The following CSMD3 variants were observed in gnomAD, a reference collection of about 807,000 sequenced individuals.
CSMD3 encodes CUB and Sushi multiple domains 3.
A neutral mutation model predicts 435.2 loss-of-function variants in CSMD3; 177 were observed. The observed-to-expected ratio is 0.41, with a 90% CI of 0.36 to 0.46. CSMD3 has a LOEUF of 0.46. Ranked by LOEUF, CSMD3 falls within the 20% of genes least tolerant of loss-of-function variation. The pLI, the probability that CSMD3 is intolerant of heterozygous loss-of-function variation, is 0.34. For missense variants in CSMD3, 4,265 were observed against 4,504.6 expected, an observed-to-expected ratio of 0.95 and a Z score of 1.52; for synonymous variants, 1,656 against 1,520.5, an observed-to-expected ratio of 1.09 and a Z score of -2.07.
chr8:113,270,497 G>A (rs1251146157), intron 3 of CSMD3, among the ~76,000 whole-genome samples: 1 of 152,096 alleles, frequency 6.6e-6, no homozygotes, highest in African/African-American at 2.4e-5. Context: ...AGGATTGTAA[G>A]TCATGCCGCT....
At chr8:112,642,674 AATATGAT>A (rs2074865439) in intron 20 of CSMD3, among the ~76,000 whole-genome samples, 1 of 152,190 alleles carries the variant, frequency 6.6e-6, no homozygotes, top group Admixed American at 6.5e-5. Context: ...AATCAAAATC[AATATGAT>A]AAAGCATAAC....
At chr8:112,270,385 T>TTAGGG (rs1817408857) in intron 59 of CSMD3, among the ~76,000 whole-genome samples, 1 of 125,520 alleles carries the variant, frequency 8.0e-6, no homozygotes, top group African/African-American at 3.2e-5. Context: ...TGTGTGTGTG[T>TTAGGG]GTGTGTGTGT....
intron 4 of CSMD3, among the ~76,000 whole-genome samples, chr8:113,127,594 A>G (rs565536530): frequency 2.6e-5 from 4 of 152,160 alleles, no homozygotes; most frequent in Middle Eastern, 3.4e-3. Context: ...ACTTCTCCAC[A>G]TCACCAGGTT....
chr8:113,388,419 A>T (rs1239332428), intron 1 of CSMD3, among the ~76,000 whole-genome samples: 1 of 151,622 alleles, frequency 6.6e-6, no homozygotes, highest in African/African-American at 2.4e-5. Flanking sequence ...TTAAAACAGA[A>T]GATAATTAAT....
chr8:112,250,027 A>C (rs1815127561), intron 63 of CSMD3, among the ~76,000 whole-genome samples: 1 of 152,100 alleles, frequency 6.6e-6, no homozygotes, highest in African/African-American at 2.4e-5. Flanking sequence ...TTGATTACTT[A>C]ACTTTAGAAT....
chr8:112,610,175 G>GCA (rs149704778), intron 22 of CSMD3, among the ~76,000 whole-genome samples: 10 of 151,892 alleles, frequency 6.6e-5, no homozygotes, highest in African/African-American at 1.7e-4. Context: ...TTCTCATCAT[G>GCA]CACACACACA....
chr8:112,573,350 T>C, intron 24 of CSMD3, 151 bp downstream of exon 24: 1 of 731,010 alleles, frequency 1.4e-6, no homozygotes, highest in Admixed American at 2.2e-5. Flanking sequence ...CTTACCGGGC[T>C]GTTGTTAGGG....
intron 1 of CSMD3, among the ~76,000 whole-genome samples, chr8:113,373,584 T>C (rs1017908582): frequency 2.0e-5 from 3 of 152,064 alleles, no homozygotes. Context: ...GAAATAAAGA[T>C]GTTTATTAAT....
At chr8:112,259,203 A>G (rs559151801) in intron 61 of CSMD3, among the ~76,000 whole-genome samples, 216 of 151,600 alleles carry the variant, frequency 1.4e-3, no homozygotes, top group African/African-American at 4.6e-3. Context: ...ATGTCTATCA[A>G]TGATAGACTG....
chr8:112,744,968 C>CA lies in CSMD3; in HGVS notation c.1973-54919_1973-54918insT, dbSNP rs1321967410. Among the ~76,000 whole-genome samples, 9 of 152,126 alleles carry CA rather than the reference C, an allele frequency of 5.9e-5. 1 individual carries two copies. The highest frequency in any genetic ancestry group is 1.3e-4 in the Admixed American group (2 of 15,254). Reference sequence around the variant, plus strand: ...GCAGGGAAATGACTTGGTCACATATCTGATTTACAAATATAACTCTGAAGA... The same window carrying CA: ...GCAGGGAAATGACTTGGTCACATATCATGATTTACAAATATAACTCTGAAGA... On this transcript the variant is annotated intron_variant, in intron 13 of 70. Coordinates refer to ENST00000297405, the MANE Select transcript of CSMD3 (RefSeq NM_198123.2).
rs1812319511 is a variant in CSMD3 at position 112,223,418 on chromosome 8, G to T, written c.*1353C>A. ...GACAACAACAAAGAGTTAACACTGG[G>T]TACATGATCGTATTCAATGAAGTAA... On this transcript the variant is annotated 3_prime_UTR_variant, in exon 71 of 71. Transcript: ENST00000297405. The T allele has an allele frequency of 9.3e-6, 2 of 213,930 alleles. No individual in the cohort carries two copies. The highest frequency in any genetic ancestry group is 1.4e-3 in the Middle Eastern group (1 of 694). The allele number at this position is 213,930 out of a possible 1,614,324, so 13.3% of individuals were successfully genotyped here.
intron 5 of CSMD3, among the ~76,000 whole-genome samples, chr8:113,041,619 G>A (rs1320548811): frequency 6.6e-6 from 1 of 151,866 alleles, no homozygotes; most frequent in Non-Finnish European, 1.5e-5. Context: ...TTATCAACTG[G>A]TATGAGTTAT....
At chr8:112,302,310 C>A (rs1395408520) in intron 52 of CSMD3, among the ~76,000 whole-genome samples, 1 of 150,164 alleles carries the variant, frequency 6.7e-6, no homozygotes, top group African/African-American at 2.4e-5. Flanking sequence ...AATCCAAAAT[C>A]TTTCTCTGCT....
chr8:112,357,674 A>G (rs940077732), intron 38 of CSMD3, among the ~76,000 whole-genome samples: 4 of 152,184 alleles, frequency 2.6e-5, no homozygotes, highest in African/African-American at 7.2e-5. Context: ...CCTTCATCCC[A>G]GCCTCAAGCC....
chr8:112,986,751 T>G (rs1402427033), intron 6 of CSMD3, among the ~76,000 whole-genome samples: 1 of 152,042 alleles, frequency 6.6e-6, no homozygotes, highest in Non-Finnish European at 1.5e-5. Flanking sequence ...TATTGCTCTT[T>G]GAATTATATA....
At chr8:113,003,081 A>G (rs955510299) in intron 6 of CSMD3, among the ~76,000 whole-genome samples, 4 of 151,952 alleles carry the variant, frequency 2.6e-5, no homozygotes, top group African/African-American at 9.7e-5. Context: ...CATTTCTACT[A>G]AAAACAATAC....
At chr8:113,010,053 T>C (rs927672408) in intron 6 of CSMD3, among the ~76,000 whole-genome samples, 2 of 151,706 alleles carry the variant, frequency 1.3e-5, no homozygotes, top group African/African-American at 4.8e-5. Context: ...ATTATATAGA[T>C]ACTTGTAATT....
At chr8:112,721,395 C>T (rs927224514) in intron 13 of CSMD3, among the ~76,000 whole-genome samples, 16 of 151,810 alleles carry the variant, frequency 1.1e-4, no homozygotes, top group African/African-American at 3.9e-4. Context: ...GCCAACATAG[C>T]GAAACCCTGT....
At chr8:112,680,562 A>C (rs1434656871) in intron 16 of CSMD3, among the ~76,000 whole-genome samples, 1 of 152,188 alleles carries the variant, frequency 6.6e-6, no homozygotes, top group African/African-American at 2.4e-5. Context: ...TGTTTTTAAA[A>C]TACCATCATA....
Sources: gnomAD v4.1 joint callset for allele counts (sites outside exome capture counted in the v4.1 genomes callset) on GRCh38, gnomAD v4.1.1 for gene constraint, MANE v1.5 for transcripts, NCBI Gene and HGNC (gene_info 2026-07-23, HGNC 2026-07-21) for gene names.